DLEU7: variants seen among roughly 807,000 people sequenced by gnomAD.
DLEU7 encodes the protein leukemia-associated protein 7.
In DLEU7, 17 loss-of-function variants were observed where a neutral mutation model predicts 16.0. The observed-to-expected ratio is 1.06, with a 90% CI of 0.73 to 1.59. The LOEUF (loss-of-function observed/expected upper bound fraction) is 1.59, where lower values mean the gene tolerates loss of function less well. Ranked by LOEUF, DLEU7 falls within the 40% of genes most tolerant of loss-of-function variation. DLEU7 has a pLI of 0.00. For synonymous variants in DLEU7, 113 were observed against 139.8 expected (o/e 0.81, Z 1.35); for missense variants, 308 against 314.9 (o/e 0.98, Z 0.17).
chr13:50,724,898 G>C (rs1228524508), intron 1 of DLEU7, among the ~76,000 whole-genome samples: 1 of 152,168 alleles, frequency 6.6e-6, no homozygotes, highest in East Asian at 1.9e-4. Flanking sequence ...CGGTCTAAAA[G>C]TGACAGACAT....
At chr13:50,750,859 G>A (rs1308238102) in intron 1 of DLEU7, among the ~76,000 whole-genome samples, 4 of 152,118 alleles carry the variant, frequency 2.6e-5, no homozygotes, top group Non-Finnish European at 5.9e-5. Context: ...GGTTTTCGAG[G>A]TAAACAATCG....
chr13:50,822,960 G>T lies in DLEU7; in HGVS notation c.*354C>A, dbSNP rs958493510. 54 of 949,378 alleles carry T rather than the reference G, an allele frequency of 5.7e-5. No homozygotes were observed. In the East Asian group the frequency reaches 1.9e-3, roughly 33 times the overall value. 58.8% of individuals were successfully genotyped at this position (949,378 alleles called of 1,614,324 possible). A position where few individuals can be genotyped will look rare whatever the true frequency, so the allele number is the denominator to read the frequency against. Reference sequence around the variant, plus strand: ...ATAAATAACCACATTAAACCCTTTAGACCTACATTAATATGAATACAAATT... The same window carrying T: ...ATAAATAACCACATTAAACCCTTTATACCTACATTAATATGAATACAAATT... On this transcript the variant is annotated 3_prime_UTR_variant, in exon 2 of 2. Coordinates refer to ENST00000504404, the MANE Select transcript of DLEU7 (RefSeq NM_001306135.2).
intron 1 of DLEU7, among the ~76,000 whole-genome samples, chr13:50,755,324 G>A (rs1286006211): frequency 2.0e-5 from 3 of 152,114 alleles, no homozygotes; most frequent in Admixed American, 6.5e-5. Flanking sequence ...CAAGAACACC[G>A]ATTATTCTTA....
At chr13:50,762,656 C>T (rs143219601) in intron 1 of DLEU7, among the ~76,000 whole-genome samples, 117 of 152,158 alleles carry the variant, frequency 7.7e-4, no homozygotes, top group African/African-American at 2.7e-3. Flanking sequence ...ATCTTGAAGG[C>T]GGGGATTAAA....
At chr13:50,727,308 G>A (rs983508597) in intron 1 of DLEU7, among the ~76,000 whole-genome samples, 3 of 118,480 alleles carry the variant, frequency 2.5e-5, no homozygotes, top group Admixed American at 8.8e-5. Flanking sequence ...CTATTCACAA[G>A]TATGAGGTCT....
chr13:50,821,115 T>C (rs1432458358), downstream of DLEU7, among the ~76,000 whole-genome samples: 4 of 152,054 alleles, frequency 2.6e-5, no homozygotes, highest in Non-Finnish European at 4.4e-5. Context: ...AGCCACGAGC[T>C]GAAGTGAGAT....
chr13:50,717,095 T>A (rs573162373), intron 1 of DLEU7, among the ~76,000 whole-genome samples: 3 of 152,352 alleles, frequency 2.0e-5, no homozygotes, highest in East Asian at 3.9e-4. Context: ...CTTTTTAGGA[T>A]CTTTAATACT....
intron 1 of DLEU7, among the ~76,000 whole-genome samples, chr13:50,765,553 C>T (rs1452414233): frequency 6.6e-6 from 1 of 150,906 alleles, no homozygotes; most frequent in Admixed American, 6.6e-5. Flanking sequence ...ATAATCAGGC[C>T]CTGGGGGAGA....
chr13:50,770,857 T>C (rs2137755862), intron 1 of DLEU7, among the ~76,000 whole-genome samples: 1 of 152,340 alleles, frequency 6.6e-6, no homozygotes, highest in East Asian at 1.9e-4. Context: ...CAGCTCCTCT[T>C]TATACCTCTG....
intron 1 of DLEU7, among the ~76,000 whole-genome samples, chr13:50,748,521 A>G (rs2137731650): frequency 6.6e-6 from 1 of 152,308 alleles, no homozygotes; most frequent in African/African-American, 2.4e-5. Context: ...AAAAGGATAA[A>G]TATGGCTTTT....
At chr13:50,728,989 CT>C (rs982617512) in intron 1 of DLEU7, among the ~76,000 whole-genome samples, 1 of 151,912 alleles carries the variant, frequency 6.6e-6, no homozygotes, top group Admixed American at 6.6e-5. Context: ...CTTTGTATAA[CT>C]TTTTTTTCAG....
intron 1 of DLEU7, among the ~76,000 whole-genome samples, chr13:50,813,988 A>G (rs1187275155): frequency 6.6e-6 from 1 of 152,140 alleles, no homozygotes; most frequent in Non-Finnish European, 1.5e-5. Context: ...AGAAGTCCAC[A>G]TATAGACGTT....
downstream of DLEU7, among the ~76,000 whole-genome samples, chr13:50,818,327 A>G (rs1414124766): frequency 6.6e-6 from 1 of 152,164 alleles, no homozygotes; most frequent in Non-Finnish European, 1.5e-5. Flanking sequence ...GACCATCACA[A>G]TTATTAATCA....
intron 1 of DLEU7, chr13:50,715,483 AG>A: frequency 6.5e-6 from 1 of 152,770 alleles, no homozygotes; most frequent in Non-Finnish European, 1.5e-5. Context: ...TAAAGGAGAA[AG>A]GGGGCGAGAG....
chr13:50,843,026 CAG>C lies in DLEU7; in HGVS notation c.459+160_459+161del, dbSNP rs1227178048. Among the ~76,000 whole-genome samples the C allele has an allele frequency of 2.6e-5, 4 of 152,180 alleles. No individual in the cohort carries two copies. Among genetic ancestry groups the C allele is most frequent in the Non-Finnish European group, 5.9e-5 (4 of 68,024 alleles). On this transcript the variant is annotated intron_variant, in intron 1 of 1. Coordinates refer to ENST00000504404, the MANE Select transcript of DLEU7 (RefSeq NM_001306135.2). This position sits in a 1 kb window ranked among gnomAD's most constrained non-coding sequence, Gnocchi z 5.7. The stretch of plus-strand genomic sequence containing the variant: ...CTCCCTGCCCCTCCTGCTGAGTCCC[CAG>C]AGTGTCCCCCGCCCCCTTCCTTCTC...
chr13:50,713,205 C>T (rs1238744714), exon 2 of DLEU7: 11 of 1,610,828 alleles, frequency 6.8e-6, no homozygotes, highest in Non-Finnish European at 9.3e-6. Flanking sequence ...CACACTCCTA[C>T]AGTGACCTTC....
At chr13:50,824,806 A>G (rs996643944) in intron 1 of DLEU7, among the ~76,000 whole-genome samples, 6 of 152,216 alleles carry the variant, frequency 3.9e-5, no homozygotes, top group South Asian at 4.1e-4. Context: ...GTCTGCAACC[A>G]TTGCCCTACA....
chr13:50,841,240 C>A (rs1394379622), intron 1 of DLEU7, among the ~76,000 whole-genome samples: 1 of 152,144 alleles, frequency 6.6e-6, no homozygotes, highest in East Asian at 1.9e-4. Context: ...CCCTAACTGG[C>A]CCCCATTTGT....
chr13:50,777,132 C>T (rs1289594795), intron 1 of DLEU7, among the ~76,000 whole-genome samples: 1 of 152,184 alleles, frequency 6.6e-6, no homozygotes, highest in Admixed American at 6.5e-5. Context: ...ACCTGCTTTA[C>T]TTTCCTGGCT....
Sources: allele counts gnomAD v4.1 joint callset (sites outside exome capture counted in the v4.1 genomes callset), GRCh38; gene constraint gnomAD v4.1.1; non-coding constraint Gnocchi (gnomAD v3.1); transcripts MANE v1.5; gene names NCBI Gene and HGNC (gene_info 2026-07-23, HGNC 2026-07-21).